MCM3: variants seen among roughly 807,000 people sequenced by gnomAD.
MCM3 encodes DNA replication licensing factor MCM3.
MCM3 carries 59 observed loss-of-function variants against 91.3 expected under a neutral mutation model. The observed-to-expected ratio is 0.65, with a 90% confidence interval of 0.52 to 0.80. The LOEUF is 0.80. Ranked by LOEUF, MCM3 falls within the 30% of genes least tolerant of loss-of-function variation. The pLI is 0.00. For missense variants in MCM3, 919 were observed against 1,035.4 expected (o/e 0.89, Z 1.54); for synonymous variants, 383 against 379.6 (o/e 1.01, Z -0.10).
At chr6:52,267,843 T>C (rs150229874) in intron 14 of MCM3, 22 bp downstream of exon 14, 12,677 of 880,224 alleles carry the variant, frequency 0.014, 135 homozygotes, top group Non-Finnish European at 0.02. Flanking sequence ...CTTTTTAATC[T>C]CATTTGCTTG....
rs773409479 is a variant in MCM3, at chr6:52,284,603, G to A, written c.72C>T (p.Asp24=). Residue 24 remains aspartate (D), a synonymous_variant, in exon 1 of 17, where the codon GAC becomes GAT. Transcript: ENST00000596288. ...GCGCCGGCGCCTCCCTCACCTCGTC[G>A]TCCAGGAAGTCCAGGTAATCTCTCT... ...EAQRDYLDFL[D]DEEDQGIYQS... 1.2e-6 allele frequency: 2 copies of A among 1,607,230 alleles called. No individual in the cohort carries two copies. The highest frequency in any genetic ancestry group is 3.4e-5 in the Admixed American group (2 of 59,378).
At chr6:52,279,190 A>T (rs1765843852) in intron 5 of MCM3, among the ~76,000 whole-genome samples, 171 bp downstream of exon 5, 1 of 152,220 alleles carries the variant, frequency 6.6e-6, no homozygotes, top group Non-Finnish European at 1.5e-5. Flanking sequence ...GTTAAGTATC[A>T]CCAGCTTTAT....
chr6:52,273,993 G>C, intron 9 of MCM3, 77 bp from the exon 10 acceptor site: 1 of 1,200,652 alleles, frequency 8.3e-7, no homozygotes, highest in Non-Finnish European at 1.2e-6. Flanking sequence ...GCAGTTCTGG[G>C]AGTGGGAATG....
Position 52,279,485 on chromosome 6 carries a change from A to G in MCM3, c.646T>C (p.Ser216Pro). The G allele has an allele frequency of 6.2e-7, 1 of 1,614,030 alleles. No homozygotes were observed. The highest frequency in any genetic ancestry group is 8.5e-7 in the Non-Finnish European group (1 of 1,180,006). The change falls in exon 5 of 17, where the codon TCT becomes CCT. Residue 216 changes from serine to proline, a missense_variant. Coordinates refer to ENST00000596288, the MANE Select transcript of MCM3 (RefSeq NM_002388.6). The stretch of plus-strand genomic sequence containing the variant: ...TCATCATCCAGAATGACGTCCACAG[A>G]GCGGGGGAGCTGGCCGGCTGGGGCC... ...EKAPAGQLPR[S>P]VDVILDDDLV...
At chr6:52,282,415 A>G (rs1766184871) in intron 3 of MCM3, among the ~76,000 whole-genome samples, 1 of 152,228 alleles carries the variant, frequency 6.6e-6, no homozygotes, top group Admixed American at 6.5e-5. Flanking sequence ...GGTTGGAATT[A>G]GAGATTGCCA....
At chr6:52,278,196 G>C (rs1765763083) in intron 6 of MCM3, among the ~76,000 whole-genome samples, 2 of 151,854 alleles carry the variant, frequency 1.3e-5, no homozygotes, top group Admixed American at 1.3e-4. Context: ...ATCAGAGTAG[G>C]CACAGAGCAG....
chr6:52,269,201 A>G lies in MCM3; in HGVS notation c.1853T>C (p.Leu618Pro), dbSNP rs1581711248. 1 of 1,612,748 alleles carries G rather than the reference A, an allele frequency of 6.2e-7. No individual in the cohort carries two copies. The highest frequency in any genetic ancestry group is 8.5e-7 in the Non-Finnish European group (1 of 1,178,958). Reference protein sequence around the residue: ...ARTSPVTARTLETLIRLATAH... With the variant: ...ARTSPVTARTPETLIRLATAH... ...TGTGGCCAGTCGAATCAGAGTTTCCAGTGTTCGGGCTGTAACTGGAGATGT... is the reference window on the plus strand; with the variant it reads ...TGTGGCCAGTCGAATCAGAGTTTCCGGTGTTCGGGCTGTAACTGGAGATGT... Residue 618 changes from leucine (L) to proline (P), a missense_variant, in exon 13 of 17, where the codon CTG (leucine) becomes CCG (proline). This residue lies in a region of MCM3 where 285 missense variants were observed against 311.4 expected (regional missense o/e 0.92). Transcript: ENST00000596288.
chr6:52,269,520 T>C (rs1397045442), intron 12 of MCM3, among the ~76,000 whole-genome samples: 1 of 151,562 alleles, frequency 6.6e-6, no homozygotes, highest in Non-Finnish European at 1.5e-5. Context: ...GGGAGAAAAA[T>C]CATCAGTGAT....
intron 16 of MCM3, chr6:52,265,097 G>A (rs1203840264): frequency 5.1e-6 from 2 of 394,296 alleles, no homozygotes; most frequent in Non-Finnish European, 9.6e-6. Flanking sequence ...GGCCCAGGGA[G>A]CCCATTTCTA....
chr6:52,282,638 C>G lies in MCM3; in HGVS notation c.400+15G>C. 6.2e-7 allele frequency: 1 copy of G among 1,611,992 alleles called. No homozygotes were observed. The highest frequency in any genetic ancestry group is 8.5e-7 in the Non-Finnish European group (1 of 1,179,422). On this transcript the variant is annotated intron_variant, in intron 3 of 16. Coordinates refer to ENST00000596288, the MANE Select transcript of MCM3 (RefSeq NM_002388.6). ...GTCTATTCATTTCCTAAGCGGCCCC[C>G]TTTAACCCACTTACATTTAGTGACA...
rs1581722159 is a variant in MCM3 at position 52,273,143 on chromosome 6, A to G, written c.1676+87T>C. 3.6e-5 allele frequency: 55 copies of G among 1,514,680 alleles called. 1 individual carries two copies. In the South Asian group the frequency reaches 5.9e-4, roughly 16 times the overall value. The allele number at this position is 1,514,680 out of a possible 1,614,324, so 93.8% of individuals were successfully genotyped here. A position where few individuals can be genotyped will look rare whatever the true frequency, so the allele number is the denominator to read the frequency against. On this transcript the variant is annotated intron_variant, in intron 11 of 16. Transcript: ENST00000596288. The stretch of plus-strand genomic sequence containing the variant: ...AGGCATGGCTTTGACCTGGGCATAT[A>G]AGGCCTTAGCTAAGCTTAGATATAC...
chr6:52,269,191 CAG>C lies in MCM3; in HGVS notation c.1861_1862del (p.Leu621AspfsTer34), dbSNP rs762587978. The stretch of plus-strand genomic sequence containing the variant: ...TCGCATGGGCTGTGGCCAGTCGAAT[CAG>C]AGTTTCCAGTGTTCGGGCTGTAACT... The part of the protein sequence containing the change: ...SPVTARTLET[L>X]IRLATAHAKA... On this transcript the variant is annotated frameshift_variant, in exon 13 of 17. Transcript: ENST00000596288. LOFTEE classifies it high-confidence loss of function. The C allele has an allele frequency of 6.8e-6, 11 of 1,613,116 alleles. No individual in the cohort carries two copies. Among genetic ancestry groups the C allele is most frequent in the African/African-American group, 5.3e-5 (4 of 75,056 alleles).
chr6:52,279,361 C>T lies in MCM3; in HGVS notation c.770G>A (p.Arg257Lys). ...KKGGYTSGTF[R>K]TVLIACNVKQ... Reference sequence around the variant, plus strand: ...ATATACTTTAAGGCAGACCCTTTACCTGAAGGTCCCAGAGGTGTAGCCTCC... The same window carrying T: ...ATATACTTTAAGGCAGACCCTTTACTTGAAGGTCCCAGAGGTGTAGCCTCC... Residue 257 changes from arginine (R) to lysine (K), a missense_variant and splice_region_variant, in exon 5 of 17, where the codon AGG (arginine) becomes AAG (lysine). Transcript: ENST00000596288. 1.2e-6 allele frequency: 2 copies of T among 1,612,432 alleles called. No individual in the cohort carries two copies. The highest frequency in any genetic ancestry group is 1.7e-6 in the Non-Finnish European group (2 of 1,178,726).
chr6:52,278,608 A>AT, intron 6 of MCM3, 134 bp downstream of exon 6: 1 of 588,908 alleles, frequency 1.7e-6, no homozygotes, highest in Non-Finnish European at 3.0e-6. Flanking sequence ...TCATTTGTTG[A>AT]TTGAGACAAA....
rs1764466972 is a variant in MCM3, at chr6:52,264,304, T to TAAATAACAA, written c.*283_*284insTTGTTATTT. 2.6e-6 allele frequency: 1 copy of TAAATAACAA among 390,494 alleles called. No individual in the cohort carries two copies. The highest frequency in any genetic ancestry group is 4.8e-6 in the Non-Finnish European group (1 of 208,576). 24.2% of individuals were successfully genotyped at this position (390,494 alleles called of 1,614,324 possible). A position where few individuals can be genotyped will look rare whatever the true frequency, so the allele number is the denominator to read the frequency against. ...CATATGTTATTTACAATTGGGTTTG[T>TAAATAACAA]GTGGGATGGGAAGTAGGGCGGATGA... is the stretch of plus-strand genomic sequence containing the variant. On this transcript the variant is annotated 3_prime_UTR_variant, in exon 17 of 17. Transcript: ENST00000596288.
At chr6:52,268,573 G>A (rs1581709658) in intron 13 of MCM3, among the ~76,000 whole-genome samples, 1 of 152,278 alleles carries the variant, frequency 6.6e-6, no homozygotes, top group Middle Eastern at 3.4e-3. Context: ...TCTAGGCTTT[G>A]AGGCTTGATA....
intron 6 of MCM3, among the ~76,000 whole-genome samples, chr6:52,278,070 CAAAAAAAAAAAAAAAA>C (rs61625257): frequency 2.6e-5 from 1 of 38,962 alleles, no homozygotes; most frequent in African/African-American, 1.2e-4. Context: ...TCCGTCTCAC[CAAAAAAAAAAAAAAAA>C]AAAAAAAAAA....
intron 3 of MCM3, 71 bp from the exon 4 acceptor site, chr6:52,282,246 G>C: frequency 7.1e-7 from 1 of 1,417,268 alleles, no homozygotes; most frequent in Non-Finnish European, 1.0e-6. Flanking sequence ...CCAAACATAT[G>C]CAAGCCTATA....
Position 52,279,688 on chromosome 6 carries a change from A to G in MCM3, c.532-89T>C, listed in dbSNP as rs1034071027. The G allele has an allele frequency of 1.3e-5, 13 of 972,216 alleles. 1 individual carries two copies. The Admixed American group carries it at 2.8e-4, about 21-fold the overall frequency. The allele number at this position is 972,216 out of a possible 1,614,324, so 60.2% of individuals were successfully genotyped here. A position where few individuals can be genotyped will look rare whatever the true frequency, so the allele number is the denominator to read the frequency against. ...CTGTCATGGCAAATAAGATGACTTC[A>G]TAAAATTTTATTATTCAGTAACAAA... On this transcript the variant is annotated intron_variant, in intron 4 of 16. Coordinates refer to ENST00000596288, the MANE Select transcript of MCM3 (RefSeq NM_002388.6).
Sources: allele counts gnomAD v4.1 joint callset (sites outside exome capture counted in the v4.1 genomes callset), GRCh38; gene constraint gnomAD v4.1.1; regional missense constraint gnomAD v4.1.1; transcripts MANE v1.5; gene names NCBI Gene and HGNC (gene_info 2026-07-23, HGNC 2026-07-21).